The following ACYP2 variants were observed in gnomAD, a reference collection of about 807,000 sequenced individuals.
ACYP2 encodes the protein acylphosphatase 2, also known as acylphosphatase-2.
A neutral mutation model predicts 11.2 loss-of-function variants in ACYP2; 12 were observed. The ratio of observed to expected loss-of-function variants is 1.08; its 90% CI spans 0.69 to 1.74. ACYP2 has a LOEUF of 1.74. ACYP2 is among the 40% of genes most tolerant of loss of function. The pLI is 0.00. For synonymous variants in ACYP2, 43 were observed against 32.2 expected (o/e 1.33, Z -1.13); for missense variants, 134 against 101.9 (o/e 1.31, Z -1.35).
chr2:54,164,792 A>G lies in ACYP2; in HGVS notation c.404+26044A>G, dbSNP rs189641113. 2.5e-3 allele frequency among the ~76,000 whole-genome samples: 388 copies of G among 152,172 alleles called. 2 individuals are homozygous for G. Among genetic ancestry groups the G allele is most frequent in the African/African-American group, 8.9e-3 (368 of 41,508 alleles). On this transcript the variant is annotated intron_variant, in intron 6 of 6. Coordinates refer to ENST00000607452, the MANE Select transcript of ACYP2 (RefSeq NM_001320586.2). ...TGTGCCATGGTGGTTTGCTGCACCTATCAACTTATCATCTAGTTTTTAAGC... is the reference window on the plus strand; with the variant it reads ...TGTGCCATGGTGGTTTGCTGCACCTGTCAACTTATCATCTAGTTTTTAAGC...
chr2:54,018,688 T>A (rs1673828393), intron 2 of ACYP2, among the ~76,000 whole-genome samples: 1 of 152,084 alleles, frequency 6.6e-6, no homozygotes, highest in Admixed American at 6.6e-5. Flanking sequence ...AAATAGAACT[T>A]CTTATGGCTT....
chr2:54,186,970 G>C (rs1023718744), intron 6 of ACYP2, among the ~76,000 whole-genome samples: 12 of 151,992 alleles, frequency 7.9e-5, no homozygotes, highest in African/African-American at 2.9e-4. Context: ...CACCATGGAA[G>C]GAAGAGGACA....
chr2:54,047,198 C>T (rs987231435), intron 2 of ACYP2, among the ~76,000 whole-genome samples: 1 of 152,180 alleles, frequency 6.6e-6, no homozygotes, highest in Non-Finnish European at 1.5e-5. Flanking sequence ...TGTGGCAAGA[C>T]AGGCCAAGAT....
chr2:54,210,922 G>A (rs777432055), intron 6 of ACYP2, among the ~76,000 whole-genome samples: 30 of 152,104 alleles, frequency 2.0e-4, no homozygotes, highest in African/African-American at 6.5e-4. Flanking sequence ...GCATACTTAT[G>A]ACCATACTTA....
intron 4 of ACYP2, 170 bp from the exon 1 acceptor site, chr2:54,115,445 T>G: frequency 1.1e-6 from 1 of 872,818 alleles, no homozygotes; most frequent in Non-Finnish European, 1.7e-6. Context: ...TCCTCCCCAG[T>G]CCGGGAAGAG....
intron 4 of ACYP2, among the ~76,000 whole-genome samples, chr2:54,086,097 T>A (rs1200342386): frequency 1.3e-5 from 2 of 152,002 alleles, no homozygotes; most frequent in Non-Finnish European, 2.9e-5. Flanking sequence ...GTGTGCACCA[T>A]CAGGCCTGGC....
chr2:54,300,447 C>A (rs1689679625), intron 6 of ACYP2, among the ~76,000 whole-genome samples: 1 of 152,208 alleles, frequency 6.6e-6, no homozygotes, highest in Non-Finnish European at 1.5e-5. Flanking sequence ...CTTCCCTGGG[C>A]AGCTCTCCTC....
intron 4 of ACYP2, among the ~76,000 whole-genome samples, chr2:54,119,805 C>CT (rs1445000751): frequency 1.8e-4 from 28 of 152,096 alleles, no homozygotes; most frequent in Admixed American, 9.8e-4. Flanking sequence ...TACCTAATGT[C>CT]TTTTTTTTGG....
At chr2:54,048,935 C>CT (rs1293336959) in intron 2 of ACYP2, among the ~76,000 whole-genome samples, 1 of 152,082 alleles carries the variant, frequency 6.6e-6, no homozygotes, top group Non-Finnish European at 1.5e-5. Context: ...CAGAGATTCT[C>CT]TGAGAATTTG....
intron 3 of ACYP2, chr2:54,051,808 G>A: frequency 2.6e-6 from 1 of 380,022 alleles, no homozygotes; most frequent in Non-Finnish European, 4.8e-6. Context: ...ACTTTGGGAG[G>A]CCGAGGCAGG....
intron 6 of ACYP2, among the ~76,000 whole-genome samples, chr2:54,177,983 C>T (rs1403042206): frequency 6.7e-6 from 1 of 150,374 alleles, no homozygotes; most frequent in Non-Finnish European, 1.5e-5. Flanking sequence ...CGGCTCACTG[C>T]AAACTCTACC....
At chr2:54,065,200 T>A (rs1676684444) in intron 4 of ACYP2, among the ~76,000 whole-genome samples, 1 of 152,166 alleles carries the variant, frequency 6.6e-6, no homozygotes, top group Non-Finnish European at 1.5e-5. Flanking sequence ...TGCCTGGATT[T>A]AAGGGTTATT....
intron 6 of ACYP2, chr2:54,255,996 G>T: frequency 6.2e-7 from 1 of 1,614,134 alleles, no homozygotes. Flanking sequence ...CTGGAAGCCG[G>T]GGCGGTGGGA....
At chr2:54,191,790 T>G (rs1684251621) in intron 6 of ACYP2, among the ~76,000 whole-genome samples, 1 of 152,172 alleles carries the variant, frequency 6.6e-6, no homozygotes, top group South Asian at 2.1e-4. Context: ...CCTCCATTAT[T>G]CTCTGTCATC....
At chr2:54,175,883 G>A (rs924830742) in intron 6 of ACYP2, among the ~76,000 whole-genome samples, 12 of 152,076 alleles carry the variant, frequency 7.9e-5, no homozygotes, top group South Asian at 4.1e-4. Context: ...TGGTATTAGG[G>A]AGTGGGGCCT....
intron 6 of ACYP2, among the ~76,000 whole-genome samples, chr2:54,301,273 T>C (rs1178179035): frequency 6.6e-6 from 1 of 152,220 alleles, no homozygotes; most frequent in Non-Finnish European, 1.5e-5. Flanking sequence ...TTTCCCATTC[T>C]AAGATTTGGG....
At chr2:54,023,635 C>T (rs991914663) in intron 2 of ACYP2, among the ~76,000 whole-genome samples, 75 of 152,158 alleles carry the variant, frequency 4.9e-4, no homozygotes, top group African/African-American at 1.6e-3. Flanking sequence ...CTTTCATGGG[C>T]GTACTGCATT....
At chr2:54,173,099 C>T (rs905072375) in intron 6 of ACYP2, among the ~76,000 whole-genome samples, 1 of 152,204 alleles carries the variant, frequency 6.6e-6, no homozygotes, top group African/African-American at 2.4e-5. Flanking sequence ...ATTTCTACTT[C>T]CAGGTCCTTG....
rs554729661 is a variant in ACYP2 at position 54,269,145 on chromosome 2, A to T, written c.405-35543A>T. 9.1e-4 allele frequency among the ~76,000 whole-genome samples: 139 copies of T among 152,302 alleles called. No homozygotes were observed. In the South Asian group the frequency reaches 0.028, roughly 31 times the overall value. On this transcript the variant is annotated intron_variant, in intron 6 of 6. Coordinates refer to ENST00000607452, the MANE Select transcript of ACYP2 (RefSeq NM_001320586.2). ...TTATTATTTGTAGAGACAGGGGCTCACTATGTTGCCCAGGCTAGTCTTGAA... is the reference window on the plus strand; with the variant it reads ...TTATTATTTGTAGAGACAGGGGCTCTCTATGTTGCCCAGGCTAGTCTTGAA...
Sources: allele counts gnomAD v4.1 joint callset (sites outside exome capture counted in the v4.1 genomes callset), GRCh38; gene constraint gnomAD v4.1.1; transcripts MANE v1.5; gene names NCBI Gene and HGNC (gene_info 2026-07-23, HGNC 2026-07-21).